Variants in KIFC2 observed in about 807,000 individuals in gnomAD.
The protein encoded by KIFC2 is kinesin family member C2.
A neutral mutation model predicts 91.5 loss-of-function variants in KIFC2; 94 were observed. The ratio of observed to expected loss-of-function variants is 1.03; its 90% CI spans 0.87 to 1.22. The LOEUF is 1.22. KIFC2 is among the 50% of genes most tolerant of loss of function. The probability of loss-of-function intolerance (pLI) is 0.00; values close to 1 mark genes in which losing one functional copy is unlikely to be tolerated. For synonymous variants in KIFC2, 729 were observed against 503.9 expected (o/e 1.45, Z -5.98); for missense variants, 1,357 against 1,103.3 (o/e 1.23, Z -3.26).
chr8:144,472,667 C>T lies in KIFC2; in HGVS notation c.1822C>T (p.Leu608=), dbSNP rs998568795. The part of the protein sequence containing the change: ...SRSHALVTLT[L]RAASPPRAPG... ...CTCGCATGCCCTGGTCACGCTGACG[C>T]TGCGCGCGGCGTCTCCACCGCGCGC... The change falls in exon 16 of 18, where the codon CTG becomes TTG. Residue 608 remains leucine, a synonymous_variant. Transcript: ENST00000645548. 6 of 1,597,070 alleles carry T rather than the reference C, an allele frequency of 3.8e-6. No homozygotes were observed. In the Admixed American group the frequency reaches 5.0e-5, roughly 13 times the overall value.
intron 1 of KIFC2, 72 bp downstream of exon 1, chr8:144,466,590 C>A (rs1824648125): frequency 1.2e-5 from 11 of 908,930 alleles, no homozygotes; most frequent in Non-Finnish European, 1.6e-5. Flanking sequence ...GTTCCCGGGG[C>A]GGGGGCGGGC....
At chr8:144,469,798 GC>G (rs2130000668) in intron 12 of KIFC2, 151 bp downstream of exon 12, 1 of 1,022,012 alleles carries the variant, frequency 9.8e-7, no homozygotes, top group South Asian at 1.7e-5. Flanking sequence ...AACCGAGGGG[GC>G]TGGGAAGCAG....
At position 144,467,007 on chromosome 8, in the gene KIFC2, C is replaced by T. The variant is rs757523173; in HGVS notation, c.227C>T (p.Ala76Val). 5.0e-6 allele frequency: 8 copies of T among 1,595,338 alleles called. No individual in the cohort carries two copies. The Admixed American group carries it at 1.2e-4, about 24-fold the overall frequency. ...TCGGAAGGCGCAGCCGAGGGCCGCG[C>T]GGCCGCGGTGTCCCTGGAAGAGGCC... The part of the protein sequence containing the change: ...DGSEGAAEGR[A>V]AAVSLEEALL... Residue 76 changes from alanine to valine, a missense_variant, in exon 3 of 18, where the codon GCG becomes GTG. By Grantham distance (64) the Ala-to-Val change is moderately conservative. Coordinates refer to ENST00000645548, the MANE Select transcript of KIFC2 (RefSeq NM_001369769.2).
Position 144,469,348 on chromosome 8 carries a change from C to G in KIFC2, c.1191C>G (p.Ala397=), listed in dbSNP as rs200827672. The G allele has an allele frequency of 1.9e-6, 3 of 1,609,454 alleles. No individual in the cohort carries two copies. The East Asian group carries it at 6.7e-5, about 36-fold the overall frequency. Residue 397 remains alanine, a synonymous_variant, in exon 11 of 18, where the codon GCC becomes GCG. Transcript: ENST00000645548. ...CTGAGGGGCAGCAAGGGCCCCCAGCCGGATGCCCAGGGCGGCTGCCAGAAC... is the reference window on the plus strand; with the variant it reads ...CTGAGGGGCAGCAAGGGCCCCCAGCGGGATGCCCAGGGCGGCTGCCAGAAC... ...QLPEGQQGPP[A]GCPGRLPELK... is the part of the protein sequence containing the mutation.
At chr8:144,472,514 C>A in intron 15 of KIFC2, 30 bp downstream of exon 15, 1 of 1,611,478 alleles carries the variant, frequency 6.2e-7, no homozygotes, top group Non-Finnish European at 8.5e-7. Flanking sequence ...CGAGACCCCG[C>A]CCCGTGCTTC....
At position 144,472,516 on chromosome 8, in the gene KIFC2, C is replaced by T. The variant is rs751932380; in HGVS notation, c.1731+32C>T. 6.8e-6 allele frequency: 11 copies of T among 1,611,528 alleles called. No homozygotes were observed. The South Asian group carries it at 1.1e-4, about 16-fold the overall frequency. On this transcript the variant is annotated intron_variant, in intron 15 of 17. Transcript: ENST00000645548. ...CTGCACCGCTCTCCGAGACCCCGCC[C>T]CGTGCTTCCACTTGGGGGCGGGGAC...
At position 144,473,608 on chromosome 8, in the gene KIFC2, C is replaced by T. The variant is rs1280143840; in HGVS notation, c.*219C>T. ...CCCCGCCCCCAGCCCTGCATCAGGCCACAGGTCTTGGCTTTCTCCTTATCA... is the reference window on the plus strand; with the variant it reads ...CCCCGCCCCCAGCCCTGCATCAGGCTACAGGTCTTGGCTTTCTCCTTATCA... On this transcript the variant is annotated 3_prime_UTR_variant, in exon 18 of 18. Transcript: ENST00000645548. The T allele has an allele frequency of 1.3e-5, 8 of 638,324 alleles. No individual in the cohort carries two copies. The highest frequency in any genetic ancestry group is 1.7e-5 in the Non-Finnish European group (7 of 403,304). The allele number at this position is 638,324 out of a possible 1,614,324, so 39.5% of individuals were successfully genotyped here. A position where few individuals can be genotyped will look rare whatever the true frequency, so the allele number is the denominator to read the frequency against.
At chr8:144,471,845 G>A in intron 12 of KIFC2, 97 bp from the exon 13 acceptor site, 2 of 1,055,296 alleles carry the variant, frequency 1.9e-6, no homozygotes, top group Non-Finnish European at 2.9e-6. Context: ...ACTAGGCTCT[G>A]CTCACACCTG....
chr8:144,467,250 C>T lies in KIFC2; in HGVS notation c.378C>T (p.Ala126=), dbSNP rs752575755. The change falls in exon 4 of 18, where the codon GCC becomes GCT. Residue 126 remains alanine (A), a synonymous_variant. Transcript: ENST00000645548. The stretch of plus-strand genomic sequence containing the variant: ...TGACAGTGACCAGTCAGCTCTTGGC[C>T]CTTCTGGCATGGCTTCGAAGCCCCA... ...SLLTVTSQLL[A]LLAWLRSPRG... 5.3e-5 allele frequency: 85 copies of T among 1,613,522 alleles called. No homozygotes were observed. Among genetic ancestry groups the T allele is most frequent in the South Asian group, 3.5e-4 (32 of 91,094 alleles).
Position 144,468,357 on chromosome 8 carries a change from A to C in KIFC2, c.839A>C (p.Gln280Pro), listed in dbSNP as rs1325778104. 1 of 1,612,668 alleles carries C rather than the reference A, an allele frequency of 6.2e-7. No individual in the cohort carries two copies. Among genetic ancestry groups the C allele is most frequent in the Non-Finnish European group, 8.5e-7 (1 of 1,179,754 alleles). The change falls in exon 8 of 18, where the codon CAG becomes CCG. Residue 280 changes from glutamine (Q) to proline (P), a missense_variant. Transcript: ENST00000645548. ...GAGGCAGAGGCATTGCTAGAGCTCCAGGGCCGGCTTCAGGAGGCCCAAGAC... is the reference window on the plus strand; with the variant it reads ...GAGGCAGAGGCATTGCTAGAGCTCCCGGGCCGGCTTCAGGAGGCCCAAGAC... ...QEEAEALLEL[Q>P]GRLQEAQDTT...
chr8:144,472,957 C>T lies in KIFC2; in HGVS notation c.2024C>T (p.Ala675Val), dbSNP rs772776196. The T allele has an allele frequency of 1.4e-5, 20 of 1,467,570 alleles. No homozygotes were observed. The South Asian group carries it at 1.5e-4, about 11-fold the overall frequency. 90.9% of individuals were successfully genotyped at this position (1,467,570 alleles called of 1,614,324 possible). A position where few individuals can be genotyped will look rare whatever the true frequency, so the allele number is the denominator to read the frequency against. Residue 675 changes from alanine (A) to valine (V), a missense_variant, in exon 17 of 18, where the codon GCC (alanine) becomes GTC (valine). Transcript: ENST00000645548. ...ALGGVMAALR[A>V]HRPHVPFRDS... ...GGAGGCGTGATGGCCGCACTGCGGG[C>T]CCACCGGCCGCACGTGCCCTTCCGC...
Position 144,467,793 on chromosome 8 carries a change from GA to G in KIFC2, c.681+15del, listed in dbSNP as rs1427605600. 9.3e-6 allele frequency: 15 copies of G among 1,613,558 alleles called. No homozygotes were observed. Among genetic ancestry groups the G allele is most frequent in the Non-Finnish European group, 1.2e-5 (14 of 1,179,984 alleles). On this transcript the variant is annotated intron_variant, in intron 6 of 17. Transcript: ENST00000645548. ...CGCCTGGGCGTGGTGAGGCTGCAGG[GA>G]GACCTGGCAGGGCCGGGCATGGAGG...
Position 144,467,840 on chromosome 8 carries a change from G to A in KIFC2, c.682-19G>A, listed in dbSNP as rs780123506. The A allele has an allele frequency of 7.4e-6, 12 of 1,613,456 alleles. No homozygotes were observed. The East Asian group carries it at 2.0e-4, about 27-fold the overall frequency. On this transcript the variant is annotated intron_variant, in intron 6 of 17. Transcript: ENST00000645548. ...GGAGGGGGTGCTTCAGGTGAGTGCC[G>A]AGGTTTCCTCTCCACCAGGGGGCGA...
chr8:144,472,466 C>A lies in KIFC2; in HGVS notation c.1713C>A (p.Asn571Lys), dbSNP rs778140843. The change falls in exon 15 of 18, where the codon AAC becomes AAA. Residue 571 changes from asparagine (N) to lysine (K), a missense_variant. Coordinates refer to ENST00000645548, the MANE Select transcript of KIFC2 (RefSeq NM_001369769.2). Reference protein sequence around the residue: ...VAGLTHWDVPNLETLHQMLKL... With the variant: ...VAGLTHWDVPKLETLHQMLKL... ...GCCTCACCCACTGGGACGTGCCCAA[C>A]CTGGAGACATTGCACCAGGTAGGGC... 6.2e-7 allele frequency: 1 copy of A among 1,611,940 alleles called. No homozygotes were observed. The highest frequency in any genetic ancestry group is 1.3e-5 in the African/African-American group (1 of 74,892).
At chr8:144,471,502 G>A (rs780967096) in intron 12 of KIFC2, among the ~76,000 whole-genome samples, 83 of 152,034 alleles carry the variant, frequency 5.5e-4, no homozygotes, top group Non-Finnish European at 9.6e-4. Flanking sequence ...TTGTACAGAC[G>A]GGATTTCACC....
chr8:144,467,330 C>A lies in KIFC2; in HGVS notation c.458C>A (p.Pro153His), dbSNP rs201279472. Residue 153 changes from proline (P) to histidine (H), a missense_variant, in exon 4 of 18, where the codon CCC becomes CAC. Coordinates refer to ENST00000645548, the MANE Select transcript of KIFC2 (RefSeq NM_001369769.2). ...CAGCCAGCCCCTCGGGTCCGGCCCC[C>A]CTCTCCAGATGGTGAGTAAAGGACA... Reference protein sequence around the residue: ...GTQPAPRVRPPSPDGSTSQEE... With the variant: ...GTQPAPRVRPHSPDGSTSQEE... 1.9e-6 allele frequency: 3 copies of A among 1,607,906 alleles called. No homozygotes were observed. Among genetic ancestry groups the A allele is most frequent in the East Asian group, 4.5e-5 (2 of 44,846 alleles).
Position 144,473,357 on chromosome 8 carries a change from GCT to G in KIFC2, c.2348_2349del (p.Leu783ArgfsTer64), listed in dbSNP as rs1270625490. The G allele has an allele frequency of 2.5e-6, 4 of 1,581,226 alleles. No homozygotes were observed. Among genetic ancestry groups the G allele is most frequent in the Non-Finnish European group, 3.4e-6 (4 of 1,167,182 alleles). ...CPSPDNGSGS[A>X]LAPAEGLPL Reference sequence around the variant, plus strand: ...CAGTCCCGACAACGGCTCGGGCTCGGCTCTCGCGCCCGCAGAGGGCCTGCCCC... The same window carrying G: ...CAGTCCCGACAACGGCTCGGGCTCGGCTCGCGCCCGCAGAGGGCCTGCCCC... On this transcript the variant is annotated frameshift_variant, in exon 18 of 18. Transcript: ENST00000645548. LOFTEE classifies it low-confidence loss of function (END_TRUNC).
At chr8:144,472,285 T>C (rs1473148109) in intron 14 of KIFC2, 26 bp downstream of exon 14, 2 of 1,613,054 alleles carry the variant, frequency 1.2e-6, no homozygotes, top group Non-Finnish European at 1.7e-6. Flanking sequence ...AGGGAGGCCT[T>C]CTCCCCACCC....
Position 144,473,160 on chromosome 8 carries a change from A to G in KIFC2, c.2147A>G (p.Glu716Gly). The G allele has an allele frequency of 1.9e-6, 3 of 1,548,424 alleles. No individual in the cohort carries two copies. The highest frequency in any genetic ancestry group is 2.6e-6 in the Non-Finnish European group (3 of 1,145,360). ...QISTRPEDLGETVCSLKFADR... is the reference protein window; with the variant it reads ...QISTRPEDLGGTVCSLKFADR... ...TCCACGCGGCCGGAGGATCTCGGGGAGACAGTCTGCTCCCTCAAGTTCGCC... is the reference window on the plus strand; with the variant it reads ...TCCACGCGGCCGGAGGATCTCGGGGGGACAGTCTGCTCCCTCAAGTTCGCC... The change falls in exon 18 of 18, where the codon GAG (glutamate) becomes GGG (glycine). Residue 716 changes from glutamate to glycine, a missense_variant. Glu to Gly is a moderately conservative substitution (Grantham distance 98, BLOSUM62 -2). Coordinates refer to ENST00000645548, the MANE Select transcript of KIFC2 (RefSeq NM_001369769.2).
Sources: gnomAD v4.1 joint callset for allele counts (sites outside exome capture counted in the v4.1 genomes callset) on GRCh38, gnomAD v4.1.1 for gene constraint, MANE v1.5 for transcripts, NCBI Gene and HGNC (gene_info 2026-07-23, HGNC 2026-07-21) for gene names.